OPCML: variants seen among roughly 807,000 people sequenced by gnomAD.
OPCML encodes the protein opioid-binding protein/cell adhesion molecule.
In OPCML, 13 loss-of-function variants were observed where a neutral mutation model predicts 37.8. The ratio of observed to expected loss-of-function variants is 0.34; its 90% CI spans 0.22 to 0.55. The LOEUF (loss-of-function observed/expected upper bound fraction) is 0.55. OPCML is among the 20% of genes least tolerant of loss of function. The pLI, the probability that OPCML is intolerant of heterozygous loss-of-function variation, is 0.91. For synonymous variants in OPCML, 176 were observed against 168.8 expected (o/e 1.04, Z -0.33); for missense variants, 341 against 435.6 (o/e 0.78, Z 1.93).
At chr11:133,355,439 C>T (rs1463945026) in intron 1 of OPCML, among the ~76,000 whole-genome samples, 1 of 152,170 alleles carries the variant, frequency 6.6e-6, no homozygotes, top group African/African-American at 2.4e-5. Context: ...TTTAAGTCAT[C>T]CATGAACTAA....
At chr11:133,272,867 C>T (rs865878180) in intron 1 of OPCML, among the ~76,000 whole-genome samples, 6 of 152,316 alleles carry the variant, frequency 3.9e-5, no homozygotes, top group East Asian at 3.9e-4. Flanking sequence ...CAAGTTTCTA[C>T]GAAGTGAGGA....
At chr11:133,483,423 GATA>G (rs1172452675) in intron 1 of OPCML, among the ~76,000 whole-genome samples, 2 of 151,856 alleles carry the variant, frequency 1.3e-5, no homozygotes, top group Non-Finnish European at 2.9e-5. Context: ...TAAATAGATA[GATA>G]ATAGGCAGAT....
At chr11:132,644,378 C>T (rs940681190) in intron 3 of OPCML, among the ~76,000 whole-genome samples, 1 of 152,078 alleles carries the variant, frequency 6.6e-6, no homozygotes, top group East Asian at 1.9e-4. Flanking sequence ...AAAACTCGGA[C>T]TCCCAGGGGA....
chr11:133,299,758 C>A (rs910718526), intron 1 of OPCML: 5 of 152,052 alleles, frequency 3.3e-5, no homozygotes, highest in Admixed American at 6.5e-5. Flanking sequence ...ATTAGGATGA[C>A]CCTAATTTGG....
At chr11:132,597,311 T>C (rs2096493915) in intron 3 of OPCML, among the ~76,000 whole-genome samples, 1 of 152,206 alleles carries the variant, frequency 6.6e-6, no homozygotes, top group Admixed American at 6.5e-5. Context: ...TTGTTGAATA[T>C]GATGAATAAA....
intron 3 of OPCML, among the ~76,000 whole-genome samples, chr11:132,644,375 G>A (rs911893394): frequency 3.1e-4 from 47 of 152,106 alleles, no homozygotes; most frequent in Admixed American, 2.5e-3. Flanking sequence ...AATAAAACTC[G>A]GACTCCCAGG....
chr11:132,673,016 A>C (rs1184533965), intron 2 of OPCML, among the ~76,000 whole-genome samples: 1 of 152,064 alleles, frequency 6.6e-6, no homozygotes, highest in Non-Finnish European at 1.5e-5. Flanking sequence ...TCATTTGTCA[A>C]GCTTAAAAAA....
intron 2 of OPCML, among the ~76,000 whole-genome samples, chr11:132,868,049 G>A (rs1002625950): frequency 9.2e-5 from 14 of 152,246 alleles, no homozygotes; most frequent in Admixed American, 8.5e-4. Flanking sequence ...TTTTGTGAAA[G>A]GTACTCTGAG....
intron 1 of OPCML, chr11:133,365,462 A>G (rs1376133140): frequency 1.3e-5 from 2 of 152,080 alleles, no homozygotes; most frequent in African/African-American, 2.4e-5. Context: ...ATATCTCCTT[A>G]TATAAGGTGC....
chr11:133,012,883 A>AC (rs552378128), intron 1 of OPCML, among the ~76,000 whole-genome samples: 2 of 151,772 alleles, frequency 1.3e-5, no homozygotes, highest in African/African-American at 4.8e-5. Context: ...AAAAAAAAAA[A>AC]AAAAGAAAAA....
At chr11:132,493,586 T>C (rs913965363) in intron 4 of OPCML, among the ~76,000 whole-genome samples, 15 of 152,280 alleles carry the variant, frequency 9.9e-5, no homozygotes, top group South Asian at 2.1e-4. Context: ...CAGCTTTCTT[T>C]CCCCTCTCCT....
At chr11:132,759,695 CTTA>C (rs1276881852) in intron 2 of OPCML, among the ~76,000 whole-genome samples, 2 of 151,602 alleles carry the variant, frequency 1.3e-5, no homozygotes, top group African/African-American at 4.9e-5. Context: ...TCTTTTCTTC[CTTA>C]TTAGTCTGGC....
intron 4 of OPCML, among the ~76,000 whole-genome samples, chr11:132,464,794 G>A (rs937622695): frequency 6.6e-6 from 1 of 151,988 alleles, no homozygotes; most frequent in Non-Finnish European, 1.5e-5. Context: ...TAAAAAATGA[G>A]TAAACTCCCT....
chr11:132,484,394 C>T (rs1017241643), intron 4 of OPCML, among the ~76,000 whole-genome samples: 4 of 152,114 alleles, frequency 2.6e-5, no homozygotes, highest in Admixed American at 6.6e-5. Context: ...GTTAGAATGG[C>T]AATCATTAAA....
intron 2 of OPCML, among the ~76,000 whole-genome samples, chr11:132,798,350 C>T (rs1168928244): frequency 6.6e-6 from 1 of 152,138 alleles, no homozygotes; most frequent in East Asian, 1.9e-4. Context: ...GGATTACAGG[C>T]ATGAGCCATG....
chr11:133,140,877 A>AGAC lies in OPCML; in HGVS notation c.62-197870_62-197868dup, dbSNP rs200685608. ...ACGAAGAAGACGACGACGACGAAGA[A>AGAC]GACGACGACGACGACGAAGACGACG... On this transcript the variant is annotated intron_variant, in intron 1 of 7. Transcript: ENST00000524381. 1.2e-4 allele frequency among the ~76,000 whole-genome samples: 2 copies of AGAC among 16,866 alleles called. 1 individual carries two copies. The highest frequency in any genetic ancestry group is 1.9e-4 in the African/African-American group (2 of 10,306). 11.1% of individuals were successfully genotyped at this position (16,866 alleles called of 152,430 possible). A position where few individuals can be genotyped will look rare whatever the true frequency, so the allele number is the denominator to read the frequency against.
chr11:132,470,543 C>T lies in OPCML; in HGVS notation c.506-33184G>A, dbSNP rs572902059. Among the ~76,000 whole-genome samples the T allele has an allele frequency of 1.9e-3, 282 of 152,238 alleles. 4 individuals carry two copies. The highest frequency in any genetic ancestry group is 0.014 in the South Asian group (67 of 4,814). Reference sequence around the variant, plus strand: ...AGATGCCCAGTAGACAGATTTGACACGTATGTGAGCATGAACGCATGAATG... The same window carrying T: ...AGATGCCCAGTAGACAGATTTGACATGTATGTGAGCATGAACGCATGAATG... On this transcript the variant is annotated intron_variant, in intron 4 of 7. Coordinates refer to ENST00000524381, the MANE Select transcript of OPCML (RefSeq NM_001012393.5).
At chr11:132,779,757 G>C (rs1357988022) in intron 2 of OPCML, among the ~76,000 whole-genome samples, 1 of 152,138 alleles carries the variant, frequency 6.6e-6, no homozygotes, top group Non-Finnish European at 1.5e-5. Flanking sequence ...AGCAGTGGCA[G>C]ACTTTGCCAC....
intron 2 of OPCML, among the ~76,000 whole-genome samples, chr11:132,877,853 T>C (rs1174185390): frequency 6.6e-6 from 1 of 152,236 alleles, no homozygotes; most frequent in Non-Finnish European, 1.5e-5. Context: ...AGCGTAGCCA[T>C]ATGGTCATAG....
Sources: gnomAD v4.1 joint callset for allele counts (sites outside exome capture counted in the v4.1 genomes callset) on GRCh38, gnomAD v4.1.1 for gene constraint, MANE v1.5 for transcripts, NCBI Gene and HGNC (gene_info 2026-07-23, HGNC 2026-07-21) for gene names.